Variants in DNAI4 observed in about 807,000 individuals in gnomAD.
The protein encoded by DNAI4 is dynein axonemal intermediate chain 4.
A neutral mutation model predicts 105.8 loss-of-function variants in DNAI4; 85 were observed. The ratio of observed to expected loss-of-function variants is 0.80; its 90% CI spans 0.67 to 0.96. The LOEUF is 0.96. Ranked by LOEUF, DNAI4 falls within the 40% of genes least tolerant of loss-of-function variation. The pLI is 0.00. For missense variants in DNAI4, 1,014 were observed against 1,005.6 expected (o/e 1.01, Z -0.11); for synonymous variants, 352 against 331.5 (o/e 1.06, Z -0.67).
chr1:66,831,373 A>T (rs1645863345), intron 13 of DNAI4, among the ~76,000 whole-genome samples: 1 of 152,224 alleles, frequency 6.6e-6, no homozygotes, highest in African/African-American at 2.4e-5. Context: ...CTAACCAAAG[A>T]TTCAAAAATT....
intron 6 of DNAI4, among the ~76,000 whole-genome samples, chr1:66,866,865 G>A (rs1646745271): frequency 1.3e-5 from 2 of 152,116 alleles, no homozygotes; most frequent in Non-Finnish European, 2.9e-5. Flanking sequence ...ATTACCAAGG[G>A]TAATTTATAA....
chr1:66,885,033 AT>A (rs1647163882), intron 4 of DNAI4, among the ~76,000 whole-genome samples: 1 of 152,046 alleles, frequency 6.6e-6, no homozygotes, highest in South Asian at 2.1e-4. Context: ...GATAAGTTGT[AT>A]TTTCATTTTC....
intron 8 of DNAI4, among the ~76,000 whole-genome samples, chr1:66,844,080 GAT>G (rs1387876390): frequency 9.9e-5 from 1 of 10,142 alleles, no homozygotes. Context: ...AACAACTGGA[GAT>G]TCAAAAAAAA....
In DNAI4 at chr1:66,840,628, T is replaced by C. The variant is rs200532541; in HGVS notation, c.1335A>G (p.Lys445=). Residue 445 remains lysine (K), a synonymous_variant, in exon 9 of 17, where the codon AAA becomes AAG. Transcript: ENST00000371026. ...EEPEDVLESA[K]HEEVEEESKK... The stretch of plus-strand genomic sequence containing the variant: ...TAGATTCTTCCTCTACCTCTTCATG[T>C]TTTGCACTTTCTAAAACATCTTCAG... The C allele has an allele frequency of 6.2e-7, 1 of 1,614,162 alleles. No individual in the cohort carries two copies. The highest frequency in any genetic ancestry group is 1.7e-5 in the Admixed American group (1 of 60,024).
intron 5 of DNAI4, among the ~76,000 whole-genome samples, chr1:66,874,509 TG>T (rs1164856128): frequency 1.4e-4 from 21 of 152,164 alleles, no homozygotes; most frequent in African/African-American, 4.8e-5. Flanking sequence ...TTCTGTTATT[TG>T]GCTTAGAAGT....
chr1:66,870,492 T>C (rs1646820340), intron 6 of DNAI4, among the ~76,000 whole-genome samples: 1 of 148,072 alleles, frequency 6.8e-6, no homozygotes, highest in African/African-American at 2.5e-5. Flanking sequence ...GGCTCATGCC[T>C]GTAATCCCAG....
intron 4 of DNAI4, among the ~76,000 whole-genome samples, chr1:66,877,817 G>T (rs905404884): frequency 6.6e-6 from 1 of 152,034 alleles, no homozygotes; most frequent in African/African-American, 2.4e-5. Context: ...CATGTATTTT[G>T]TAGAATGTCC....
chr1:66,816,283 C>T (rs1250912491), intron 16 of DNAI4, among the ~76,000 whole-genome samples: 2 of 151,942 alleles, frequency 1.3e-5, no homozygotes, highest in Non-Finnish European at 2.9e-5. Context: ...ACTGTTCTTC[C>T]CTTTCCCTCA....
At chr1:66,821,368 G>A (rs1302430102) in intron 16 of DNAI4, among the ~76,000 whole-genome samples, 5 of 151,822 alleles carry the variant, frequency 3.3e-5, no homozygotes, top group African/African-American at 1.2e-4. Context: ...AAAAGTGCTG[G>A]GATTACAGGT....
intron 1 of DNAI4, among the ~76,000 whole-genome samples, chr1:66,916,865 T>G (rs1198529859): frequency 6.6e-6 from 1 of 150,880 alleles, no homozygotes; most frequent in African/African-American, 2.5e-5. Flanking sequence ...TATGTCTCCT[T>G]TCTCAAAGAA....
chr1:66,917,669 A>G lies in DNAI4; in HGVS notation c.170+6993T>C, dbSNP rs542532301. On this transcript the variant is annotated intron_variant, in intron 1 of 16. Coordinates refer to ENST00000371026, the MANE Select transcript of DNAI4 (RefSeq NM_024763.5). ...GCTTTTAAGAGTTTAGTATACTCCT[A>G]TGAACAAAATTTTGAGCATATTTGT... 1.7e-4 allele frequency among the ~76,000 whole-genome samples: 26 copies of G among 152,350 alleles called. No homozygotes were observed. The South Asian group carries it at 5.4e-3, about 32-fold the overall frequency.
chr1:66,842,448 C>T (rs148837547), intron 8 of DNAI4, among the ~76,000 whole-genome samples: 19 of 152,114 alleles, frequency 1.2e-4, no homozygotes, highest in African/African-American at 3.9e-4. Context: ...TGGAGTGCAG[C>T]GGCACCATCT....
intron 4 of DNAI4, among the ~76,000 whole-genome samples, chr1:66,882,286 A>C (rs905045320): frequency 2.0e-5 from 3 of 152,212 alleles, no homozygotes; most frequent in Non-Finnish European, 4.4e-5. Flanking sequence ...CATTCACTTA[A>C]CATTTTATTT....
intron 8 of DNAI4, among the ~76,000 whole-genome samples, chr1:66,841,868 C>A (rs1022222195): frequency 6.6e-6 from 1 of 152,152 alleles, no homozygotes; most frequent in African/African-American, 2.4e-5. Context: ...TTAGGGTTCA[C>A]GCACAGTATT....
chr1:66,851,970 T>C (rs987576943), intron 7 of DNAI4, among the ~76,000 whole-genome samples: 4 of 151,846 alleles, frequency 2.6e-5, no homozygotes, highest in African/African-American at 9.7e-5. Flanking sequence ...TATAAAGAAT[T>C]TCTTCCTTGA....
intron 4 of DNAI4, among the ~76,000 whole-genome samples, chr1:66,886,054 G>A (rs1387591125): frequency 1.3e-5 from 2 of 151,772 alleles, no homozygotes; most frequent in Non-Finnish European, 2.9e-5. Context: ...TTTTCTCTTC[G>A]CATTTTAGTT....
chr1:66,837,893 A>ACATTTT lies in DNAI4; in HGVS notation c.1495-98_1495-97insAAAATG, dbSNP rs1204746613. 4 of 1,179,058 alleles carry ACATTTT rather than the reference A, an allele frequency of 3.4e-6. No homozygotes were observed. The African/African-American group carries it at 6.3e-5, about 19-fold the overall frequency. The allele number at this position is 1,179,058 out of a possible 1,614,324, so 73.0% of individuals were successfully genotyped here. ...TATATTAATGAGCTGTGTTAAAAAT[A>ACATTTT]GTAGTAAGACATTTCATCTGAGAGG... On this transcript the variant is annotated intron_variant, in intron 9 of 16. Coordinates refer to ENST00000371026, the MANE Select transcript of DNAI4 (RefSeq NM_024763.5).
At chr1:66,895,665 T>C (rs1406540538) in intron 2 of DNAI4, among the ~76,000 whole-genome samples, 6 of 152,196 alleles carry the variant, frequency 3.9e-5, no homozygotes, top group Non-Finnish European at 5.9e-5. Context: ...CCATTTGACA[T>C]GATCACTACT....
At chr1:66,856,090 C>T (rs1407697063) in intron 7 of DNAI4, among the ~76,000 whole-genome samples, 1 of 151,614 alleles carries the variant, frequency 6.6e-6, no homozygotes, top group African/African-American at 2.4e-5. Flanking sequence ...CCTGTCTCGG[C>T]CTCCCAAAGT....
Sources: gnomAD v4.1 joint callset for allele counts (sites outside exome capture counted in the v4.1 genomes callset) on GRCh38, gnomAD v4.1.1 for gene constraint, MANE v1.5 for transcripts, NCBI Gene and HGNC (gene_info 2026-07-23, HGNC 2026-07-21) for gene names.